The following CFLAR variants were observed in gnomAD, a reference collection of about 807,000 sequenced individuals.
CFLAR encodes CASP8 and FADD-like apoptosis regulator.
A neutral mutation model predicts 51.1 loss-of-function variants in CFLAR; 14 were observed. That is an observed-to-expected ratio of 0.27 (90% CI 0.18 to 0.43). The LOEUF (loss-of-function observed/expected upper bound fraction) is 0.43, where lower values mean the gene tolerates loss of function less well. Ranked by LOEUF, CFLAR falls within the 20% of genes least tolerant of loss-of-function variation. CFLAR has a pLI of 1.00. For missense variants in CFLAR, 390 were observed against 566.5 expected, an observed-to-expected ratio of 0.69 and a Z score of 3.16; for synonymous variants, 210 against 211.6, an observed-to-expected ratio of 0.99 and a Z score of 0.06.
chr2:201,160,018 G>T (rs1942816901), intron 8 of CFLAR, among the ~76,000 whole-genome samples: 1 of 152,206 alleles, frequency 6.6e-6, no homozygotes, highest in African/African-American at 2.4e-5. Context: ...CTCTCTGAGG[G>T]ACTGCTTGAG....
At chr2:201,137,983 G>A (rs1176860435) in intron 4 of CFLAR, 3 of 746,096 alleles carry the variant, frequency 4.0e-6, no homozygotes, top group Non-Finnish European at 7.5e-6. Context: ...GCTATGATGG[G>A]CACACCAAAG....
chr2:201,131,627 C>T (rs2049334982), intron 2 of CFLAR, among the ~76,000 whole-genome samples: 1 of 152,188 alleles, frequency 6.6e-6, no homozygotes, highest in African/African-American at 2.4e-5. Flanking sequence ...CTAAAGAGAG[C>T]TGAAAGCAGT....
chr2:201,121,276 G>A (rs1452464093), intron 1 of CFLAR, among the ~76,000 whole-genome samples: 2 of 152,216 alleles, frequency 1.3e-5, no homozygotes, highest in Non-Finnish European at 2.9e-5. Context: ...GCACAGACAA[G>A]TTGTATATAG....
In CFLAR at chr2:201,136,069, T is replaced by C. The variant is rs1468217713; in HGVS notation, c.485T>C (p.Ile162Thr). ...AAATGCCTAAAGAACATCCACAGAA[T>C]AGACCTGAAGACAAAAATCCAGAAG... ...LEKCLKNIHR[I>T]DLKTKIQKYK... Residue 162 changes from isoleucine to threonine, a missense_variant, in exon 4 of 10, where the codon ATA (isoleucine) becomes ACA (threonine). Physicochemically the swap from Ile to Thr is moderately conservative, Grantham distance 89. Coordinates refer to ENST00000309955, the MANE Select transcript of CFLAR (RefSeq NM_003879.7). 6.2e-7 allele frequency: 1 copy of C among 1,614,140 alleles called. No individual in the cohort carries two copies. The highest frequency in any genetic ancestry group is 8.5e-7 in the Non-Finnish European group (1 of 1,180,022).
At position 201,124,582 on chromosome 2, in the gene CFLAR, G is replaced by T. The variant is rs1419534733; in HGVS notation, c.-137-5147G>T. Among the ~76,000 whole-genome samples the T allele has an allele frequency of 2.0e-5, 3 of 152,254 alleles. No individual in the cohort carries two copies. The highest frequency in any genetic ancestry group is 2.9e-5 in the Non-Finnish European group (2 of 68,016). Reference sequence around the variant, plus strand: ...ACTCCTTGCCTCAAGTGATCCGCCCGCCTTGGCCTCCCAAAGTGCTGGGAT... The same window carrying T: ...ACTCCTTGCCTCAAGTGATCCGCCCTCCTTGGCCTCCCAAAGTGCTGGGAT... On this transcript the variant is annotated intron_variant, in intron 1 of 9. Coordinates refer to ENST00000309955, the MANE Select transcript of CFLAR (RefSeq NM_003879.7). This position sits in a 1 kb window ranked among gnomAD's most constrained non-coding sequence, Gnocchi z 4.7.
chr2:201,144,225 A>G (rs1276703429), intron 5 of CFLAR: 1 of 152,234 alleles, frequency 6.6e-6, no homozygotes, highest in African/African-American at 2.4e-5. Context: ...GCTTCAGAGA[A>G]GAACTGTCAT....
rs2050515604 is a variant in CFLAR at position 201,138,759 on chromosome 2, T to G, written c.524-1598T>G. Reference sequence around the variant, plus strand: ...CTTGACCTTCTGCACCTCACTGGCCTGGAACTCTGGGGTGCAGTTGTGGTG... The same window carrying G: ...CTTGACCTTCTGCACCTCACTGGCCGGGAACTCTGGGGTGCAGTTGTGGTG... On this transcript the variant is annotated intron_variant, in intron 4 of 9. Coordinates refer to ENST00000309955, the MANE Select transcript of CFLAR (RefSeq NM_003879.7). The surrounding 1 kb of genome is among the most constrained non-coding windows in gnomAD (Gnocchi z 4.0). The G allele has an allele frequency of 6.5e-6, 5 of 771,218 alleles. No homozygotes were observed. The highest frequency in any genetic ancestry group is 1.2e-5 in the Non-Finnish European group (5 of 421,500). 47.8% of individuals were successfully genotyped at this position (771,218 alleles called of 1,614,324 possible).
At chr2:201,126,024 A>T (rs1390912842) in intron 1 of CFLAR, among the ~76,000 whole-genome samples, 1 of 151,688 alleles carries the variant, frequency 6.6e-6, no homozygotes, top group Non-Finnish European at 1.5e-5. Context: ...AGTTTGTAGC[A>T]TGCGCTGTCT....
intron 8 of CFLAR, among the ~76,000 whole-genome samples, chr2:201,157,999 C>T (rs1942459394): frequency 6.6e-6 from 1 of 152,214 alleles, no homozygotes; most frequent in South Asian, 2.1e-4. Flanking sequence ...CTTATTGGCA[C>T]TTGGGACCTG....
chr2:201,158,987 C>T (rs946836721), intron 8 of CFLAR, among the ~76,000 whole-genome samples: 11 of 151,408 alleles, frequency 7.3e-5, no homozygotes, highest in African/African-American at 2.7e-4. Flanking sequence ...AAGCAATTCT[C>T]CTGTCTCAGC....
intron 1 of CFLAR, among the ~76,000 whole-genome samples, chr2:201,117,515 A>T (rs558826350): frequency 6.6e-6 from 1 of 152,292 alleles, no homozygotes; most frequent in South Asian, 2.1e-4. Flanking sequence ...TTTGTTCTTA[A>T]GCAATGAGGG....
intron 8 of CFLAR, chr2:201,154,334 C>A (rs1035323270): frequency 2.5e-5 from 4 of 160,288 alleles, no homozygotes; most frequent in African/African-American, 9.7e-5. Flanking sequence ...TGTGATCTGC[C>A]CACCTCAGCC....
chr2:201,122,078 C>CT (rs1263527007), intron 1 of CFLAR, among the ~76,000 whole-genome samples: 1 of 152,208 alleles, frequency 6.6e-6, no homozygotes, highest in African/African-American at 2.4e-5. Flanking sequence ...TCAGTTATTG[C>CT]TGAAGCATTA....
chr2:201,127,355 G>A (rs1173217974), intron 1 of CFLAR, among the ~76,000 whole-genome samples: 3 of 152,130 alleles, frequency 2.0e-5, no homozygotes, highest in African/African-American at 7.2e-5. Flanking sequence ...CTTTTACTGG[G>A]CTCTAAAGAA....
In CFLAR at chr2:201,166,509, A is replaced by G. The variant is rs570877676; in HGVS notation, c.*2536A>G. 142 of 179,538 alleles carry G rather than the reference A, an allele frequency of 7.9e-4. No individual in the cohort carries two copies. Among genetic ancestry groups the G allele is most frequent in the Middle Eastern group, 5.0e-3 (2 of 400 alleles). 11.1% of individuals were successfully genotyped at this position (179,538 alleles called of 1,614,324 possible). On this transcript the variant is annotated 3_prime_UTR_variant, in exon 10 of 10. Transcript: ENST00000309955. ...GGGGCGGGGCAGAGGCGCTCCCCACATCTCAGACGATGGGCGGCCGGGCAG... is the reference window on the plus strand; with the variant it reads ...GGGGCGGGGCAGAGGCGCTCCCCACGTCTCAGACGATGGGCGGCCGGGCAG...
In CFLAR at chr2:201,118,647, T is replaced by C. The variant is rs990343879; in HGVS notation, c.-138+2166T>C. 1 of 152,116 alleles carries C rather than the reference T, an allele frequency of 6.6e-6. No homozygotes were observed. Among genetic ancestry groups the C allele is most frequent in the African/African-American group, 2.4e-5 (1 of 41,412 alleles). The allele number at this position is 152,116 out of a possible 1,614,324, so 9.4% of individuals were successfully genotyped here. A position where few individuals can be genotyped will look rare whatever the true frequency, so the allele number is the denominator to read the frequency against. On this transcript the variant is annotated intron_variant, in intron 1 of 9. Transcript: ENST00000309955. This position sits in a 1 kb window ranked among gnomAD's most constrained non-coding sequence, Gnocchi z 5.1. The stretch of plus-strand genomic sequence containing the variant: ...GAATTCCGCAGACAGGATTCTAGAA[T>C]TTATGTCTTGTGTGGTAACATTTCA...
chr2:201,142,544 C>G (rs1402691241), intron 5 of CFLAR: 1 of 152,178 alleles, frequency 6.6e-6, no homozygotes, highest in Admixed American at 6.5e-5. Context: ...ATACTCCTTT[C>G]ACTGCACTGT....
intron 4 of CFLAR, 24 bp from the exon 5 acceptor site, chr2:201,140,333 A>G (rs767422421): frequency 1.9e-6 from 3 of 1,588,898 alleles, no homozygotes; most frequent in Non-Finnish European, 2.6e-6. Context: ...GTTTTAACTC[A>G]GTACCTCCCT....
chr2:201,172,204 T>C lies in CFLAR; in HGVS notation c.*8231T>C, dbSNP rs1207060017. On this transcript the variant is annotated 3_prime_UTR_variant, in exon 10 of 10. Coordinates refer to ENST00000309955, the MANE Select transcript of CFLAR (RefSeq NM_003879.7). ...AGAGCCTGGCATACACATAAATATATATTGAATGAATCAGTGATGGATTGA... is the reference window on the plus strand; with the variant it reads ...AGAGCCTGGCATACACATAAATATACATTGAATGAATCAGTGATGGATTGA... 6.6e-6 allele frequency: 1 copy of C among 152,210 alleles called. No homozygotes were observed. The highest frequency in any genetic ancestry group is 1.5e-5 in the Non-Finnish European group (1 of 68,024). 9.4% of individuals were successfully genotyped at this position (152,210 alleles called of 1,614,324 possible).
Sources: allele counts gnomAD v4.1 joint callset (sites outside exome capture counted in the v4.1 genomes callset), GRCh38; gene constraint gnomAD v4.1.1; non-coding constraint Gnocchi (gnomAD v3.1); transcripts MANE v1.5; gene names NCBI Gene and HGNC (gene_info 2026-07-23, HGNC 2026-07-21).